The following PLS1 variants were observed in gnomAD, a reference collection of about 807,000 sequenced individuals.
PLS1 encodes plastin-1.
Under a neutral mutation model 73.7 loss-of-function variants are expected in PLS1, and 32 were observed. That is an observed-to-expected ratio of 0.43 (90% CI 0.33 to 0.58). The LOEUF (loss-of-function observed/expected upper bound fraction) is 0.58. PLS1 is among the 20% of genes least tolerant of loss of function. PLS1 has a pLI of 0.04. For synonymous variants in PLS1, 217 were observed against 261.3 expected (o/e 0.83, Z 1.63); for missense variants, 633 against 740.5 (o/e 0.85, Z 1.68).
chr3:142,684,149 T>A lies in PLS1; in HGVS notation c.723T>A (p.Asp241Glu). 1.2e-6 allele frequency: 2 copies of A among 1,614,110 alleles called. No individual in the cohort carries two copies. Among genetic ancestry groups the A allele is most frequent in the South Asian group, 2.2e-5 (2 of 91,070 alleles). ...TCATCAAAGTTGGCCTTTTTGCTGA[T>A]ATTGAGATTTCCAGGAATGAAGGTA... ...WQIIKVGLFA[D>E]IEISRNEALI... The change falls in exon 7 of 16, where the codon GAT becomes GAA. Residue 241 changes from aspartate to glutamate, a missense_variant. Physicochemically the swap from Asp to Glu is conservative, Grantham distance 45. Coordinates refer to ENST00000457734, the MANE Select transcript of PLS1 (RefSeq NM_001145319.2).
At chr3:142,665,802 AT>A (rs34007040) in intron 2 of PLS1, among the ~76,000 whole-genome samples, 58,062 of 149,506 alleles carry the variant, frequency 0.39, 12,187 homozygotes, top group Non-Finnish European at 0.48. Flanking sequence ...TGATGGAACA[AT>A]TTTTTTTTTT....
chr3:142,701,771 G>C (rs933575101), intron 12 of PLS1, among the ~76,000 whole-genome samples: 2 of 152,172 alleles, frequency 1.3e-5, no homozygotes, highest in African/African-American at 2.4e-5. Context: ...CTGTAAAGCA[G>C]ATGGCTCTTC....
Position 142,704,683 on chromosome 3 carries a change from C to T in PLS1, c.1629+97C>T, listed in dbSNP as rs1402375675. ...TTTTTTTTGGAGATGGAGTCTCGCT[C>T]TGTCACCCAGGCTGGTGTGCAGTGG... On this transcript the variant is annotated intron_variant, in intron 14 of 15. Coordinates refer to ENST00000457734, the MANE Select transcript of PLS1 (RefSeq NM_001145319.2). The T allele has an allele frequency of 9.3e-6, 5 of 540,048 alleles. No individual in the cohort carries two copies. The African/African-American group carries it at 1.4e-4, about 15-fold the overall frequency. 33.5% of individuals were successfully genotyped at this position (540,048 alleles called of 1,614,324 possible).
chr3:142,621,570 T>C (rs547871926), intron 1 of PLS1, among the ~76,000 whole-genome samples: 1 of 152,300 alleles, frequency 6.6e-6, no homozygotes, highest in African/African-American at 2.4e-5. Context: ...ATAGCAAATA[T>C]CAATTTTGTT....
At chr3:142,624,896 C>G (rs2036389683) in intron 1 of PLS1, among the ~76,000 whole-genome samples, 1 of 151,994 alleles carries the variant, frequency 6.6e-6, no homozygotes, top group African/African-American at 2.4e-5. Flanking sequence ...TGTGCCAGTC[C>G]TTTTACAATG....
chr3:142,633,134 G>T (rs2036602227), intron 1 of PLS1, among the ~76,000 whole-genome samples: 1 of 152,180 alleles, frequency 6.6e-6, no homozygotes, highest in African/African-American at 2.4e-5. Context: ...AGTGACAAAA[G>T]TACAAAGACT....
At chr3:142,696,389 A>G (rs1224793789) in intron 11 of PLS1, among the ~76,000 whole-genome samples, 1 of 152,194 alleles carries the variant, frequency 6.6e-6, no homozygotes, top group Non-Finnish European at 1.5e-5. Context: ...TGTTACTTTC[A>G]GAAAATTCTT....
chr3:142,618,482 T>C (rs1380869862), intron 1 of PLS1, among the ~76,000 whole-genome samples: 1 of 152,246 alleles, frequency 6.6e-6, no homozygotes, highest in Admixed American at 6.5e-5. Context: ...CTTGCCAGGC[T>C]AAAGTCAACA....
intron 4 of PLS1, among the ~76,000 whole-genome samples, chr3:142,672,570 C>G (rs2037627738): frequency 6.6e-6 from 1 of 151,992 alleles, no homozygotes; most frequent in South Asian, 2.1e-4. Flanking sequence ...GTCTCGATCT[C>G]CTGACCTCAT....
At chr3:142,665,868 G>T (rs762625939) in intron 2 of PLS1, among the ~76,000 whole-genome samples, 1 of 151,892 alleles carries the variant, frequency 6.6e-6, no homozygotes, top group Non-Finnish European at 1.5e-5. Flanking sequence ...TGAGGGAGCT[G>T]CTCTGCTAGG....
At chr3:142,603,942 A>G (rs2035973639) in intron 1 of PLS1, among the ~76,000 whole-genome samples, 1 of 152,162 alleles carries the variant, frequency 6.6e-6, no homozygotes, top group Non-Finnish European at 1.5e-5. Flanking sequence ...GGGCTTCTTC[A>G]TGATAAAAAG....
intron 14 of PLS1, among the ~76,000 whole-genome samples, chr3:142,707,171 C>A (rs1014718069): frequency 6.6e-6 from 1 of 152,014 alleles, no homozygotes; most frequent in Non-Finnish European, 1.5e-5. Flanking sequence ...AAAGAGAGTG[C>A]AAATGGTTAA....
intron 8 of PLS1, among the ~76,000 whole-genome samples, chr3:142,685,450 T>A (rs1577890567): frequency 6.6e-6 from 1 of 152,200 alleles, no homozygotes; most frequent in Admixed American, 6.5e-5. Flanking sequence ...CTTGGCTGGG[T>A]GGTTCTTCTG....
chr3:142,623,964 A>G (rs1381370219), intron 1 of PLS1, among the ~76,000 whole-genome samples: 1 of 152,122 alleles, frequency 6.6e-6, no homozygotes, highest in Non-Finnish European at 1.5e-5. Flanking sequence ...GCCATCTAGA[A>G]TGTGTGTGTA....
chr3:142,618,940 T>G (rs1315523849), intron 1 of PLS1, among the ~76,000 whole-genome samples: 2 of 152,198 alleles, frequency 1.3e-5, no homozygotes, highest in Admixed American at 1.3e-4. Context: ...GGGATTAGGA[T>G]GCAGACATCT....
At chr3:142,648,649 A>G (rs1305563815) in intron 1 of PLS1, among the ~76,000 whole-genome samples, 1 of 152,248 alleles carries the variant, frequency 6.6e-6, no homozygotes, top group Non-Finnish European at 1.5e-5. Flanking sequence ...ATGTTCCTAC[A>G]TAAGGTTTAT....
At chr3:142,672,584 C>T (rs576820866) in intron 4 of PLS1, among the ~76,000 whole-genome samples, 64 of 152,144 alleles carry the variant, frequency 4.2e-4, no homozygotes, top group African/African-American at 1.4e-3. Flanking sequence ...ACCTCATGAT[C>T]CACCCGCCTT....
chr3:142,691,790 A>G (rs1199895486), intron 10 of PLS1, among the ~76,000 whole-genome samples: 1 of 152,146 alleles, frequency 6.6e-6, no homozygotes, highest in African/African-American at 2.4e-5. Context: ...TCACATCCCA[A>G]ATTCATATGT....
At chr3:142,676,921 T>C (rs1002407581) in intron 5 of PLS1, among the ~76,000 whole-genome samples, 1 of 152,166 alleles carries the variant, frequency 6.6e-6, no homozygotes, top group African/African-American at 2.4e-5. Context: ...ATTAATATTC[T>C]AACACATTTC....
Sources: gnomAD v4.1 joint callset for allele counts (sites outside exome capture counted in the v4.1 genomes callset) on GRCh38, gnomAD v4.1.1 for gene constraint, MANE v1.5 for transcripts, NCBI Gene and HGNC (gene_info 2026-07-23, HGNC 2026-07-21) for gene names.